Variants in KCNQ3 observed in about 807,000 individuals in gnomAD.
KCNQ3 encodes potassium voltage-gated channel subfamily KQT member 3.
A neutral mutation model predicts 92.5 loss-of-function variants in KCNQ3; 30 were observed. The observed-to-expected ratio is 0.32, with a 90% CI of 0.24 to 0.44. The LOEUF is 0.44. KCNQ3 is among the 20% of genes least tolerant of loss of function. The pLI, the probability that KCNQ3 is intolerant of heterozygous loss-of-function variation, is 1.00. For synonymous variants in KCNQ3, 450 were observed against 468.8 expected (o/e 0.96, Z 0.52); for missense variants, 913 against 1,140.3 (o/e 0.80, Z 2.87).
At position 132,140,124 on chromosome 8, in the gene KCNQ3, G is replaced by A. The variant is rs370333805; in HGVS notation, c.1520C>T (p.Pro507Leu). 1.2e-6 allele frequency: 2 copies of A among 1,612,380 alleles called. No individual in the cohort carries two copies. Among genetic ancestry groups the A allele is most frequent in the African/African-American group, 2.7e-5 (2 of 74,986 alleles). The change falls in exon 11 of 15, where the codon CCC (proline) becomes CTC (leucine). Residue 507 changes from proline to leucine, a missense_variant. By Grantham distance (98) the Pro-to-Leu change is moderately conservative (BLOSUM62 -3). Transcript: ENST00000388996. ...AEDRGYGNDFPIEDMIPTLKA... is the reference protein window; with the variant it reads ...AEDRGYGNDFLIEDMIPTLKA... The stretch of plus-strand genomic sequence containing the variant: ...CAGGGTGGGGATCATGTCTTCGATG[G>A]GGAAGTCATTCCCATAGCCCCTGTC...
intron 4 of KCNQ3, among the ~76,000 whole-genome samples, chr8:132,176,865 A>G (rs1227457878): frequency 6.6e-6 from 1 of 152,230 alleles, no homozygotes; most frequent in Non-Finnish European, 1.5e-5. Context: ...ATTTGCTATT[A>G]TGCTCTGGCC....
intron 1 of KCNQ3, among the ~76,000 whole-genome samples, chr8:132,239,819 A>T (rs953666448): frequency 6.6e-6 from 1 of 152,226 alleles, no homozygotes; most frequent in Non-Finnish European, 1.5e-5. Flanking sequence ...CAGCTCTCTG[A>T]GACCCAGTTT....
chr8:132,188,563 G>A (rs925789785), intron 1 of KCNQ3, among the ~76,000 whole-genome samples: 1 of 152,214 alleles, frequency 6.6e-6, no homozygotes, highest in African/African-American at 2.4e-5. Flanking sequence ...CCATTATTCA[G>A]TGATGTAATC....
intron 1 of KCNQ3, among the ~76,000 whole-genome samples, chr8:132,288,349 C>T (rs1037903764): frequency 9.2e-5 from 14 of 152,218 alleles, no homozygotes; most frequent in African/African-American, 3.1e-4. Context: ...GTACAGGACA[C>T]TATGAGGCAT....
intron 10 of KCNQ3, 113 bp from the exon 11 acceptor site, chr8:132,140,291 T>C: frequency 1.4e-6 from 1 of 703,638 alleles, no homozygotes. Flanking sequence ...CCCCAGAGTC[T>C]TTATTTCCAC....
chr8:132,303,666 G>GTATATATATATA lies in KCNQ3; in HGVS notation c.387-117497_387-117486dup, dbSNP rs1554642834. On this transcript the variant is annotated intron_variant, in intron 1 of 14. Coordinates refer to ENST00000388996, the MANE Select transcript of KCNQ3 (RefSeq NM_004519.4). ...ATATATATATATTTATGGTGTGTGT[G>GTATATATATATA]TATATATATATACACACACACAGCC... is the stretch of plus-strand genomic sequence containing the variant. Among the ~76,000 whole-genome samples, 10 of 9,612 alleles carry GTATATATATATA rather than the reference G, an allele frequency of 1.0e-3. 1 individual carries two copies. In the African/African-American group the frequency reaches 0.018, roughly 18 times the overall value. The allele number at this position is 9,612 out of a possible 152,430, so 6.3% of individuals were successfully genotyped here. A position where few individuals can be genotyped will look rare whatever the true frequency, so the allele number is the denominator to read the frequency against.
chr8:132,315,817 T>C (rs993813577), intron 1 of KCNQ3, among the ~76,000 whole-genome samples: 8 of 152,202 alleles, frequency 5.3e-5, no homozygotes, highest in African/African-American at 1.7e-4. Flanking sequence ...CTATGTATTA[T>C]TAAACTTCAT....
chr8:132,234,423 G>A (rs1021082981), intron 1 of KCNQ3, among the ~76,000 whole-genome samples: 3 of 144,662 alleles, frequency 2.1e-5, no homozygotes, highest in Non-Finnish European at 3.0e-5. Flanking sequence ...TGGGAAATTG[G>A]CTCAGGGAAA....
intron 8 of KCNQ3, among the ~76,000 whole-genome samples, chr8:132,164,009 A>G (rs1472743795): frequency 6.6e-6 from 1 of 152,176 alleles, no homozygotes; most frequent in African/African-American, 2.4e-5. Context: ...GAATTGCTCA[A>G]GGGCTCACAG....
intron 1 of KCNQ3, among the ~76,000 whole-genome samples, chr8:132,218,106 T>A (rs1814099925): frequency 6.6e-6 from 1 of 152,186 alleles, no homozygotes; most frequent in Admixed American, 6.5e-5. Context: ...GTGAATTCTA[T>A]ACAAATGACC....
At chr8:132,322,382 C>G (rs970141156) in intron 1 of KCNQ3, among the ~76,000 whole-genome samples, 1 of 152,082 alleles carries the variant, frequency 6.6e-6, no homozygotes, top group African/African-American at 2.4e-5. Context: ...ACAGGAACAG[C>G]AGGTGAGGCA....
At chr8:132,465,266 A>G (rs1359899703) in intron 1 of KCNQ3, among the ~76,000 whole-genome samples, 1 of 152,216 alleles carries the variant, frequency 6.6e-6, no homozygotes, top group Non-Finnish European at 1.5e-5. Context: ...TCACATTATA[A>G]ATTAGTTAAG....
intron 1 of KCNQ3, among the ~76,000 whole-genome samples, chr8:132,207,922 A>T (rs970446315): frequency 7.1e-5 from 8 of 113,432 alleles, no homozygotes; most frequent in Admixed American, 1.9e-4. Flanking sequence ...GAGAGAGATT[A>T]AAAAAAAAAA....
In KCNQ3 at chr8:132,222,800, T is replaced by C. The variant is rs143775794; in HGVS notation, c.387-36619A>G. Among the ~76,000 whole-genome samples the C allele has an allele frequency of 1.3e-3, 197 of 152,340 alleles. 1 individual carries two copies. Among genetic ancestry groups the C allele is most frequent in the African/African-American group, 4.5e-3 (189 of 41,584 alleles). ...CGTGGGTGGGATGCAAGGGCACATT[T>C]AGTAGTGCTTACATAGTTATGTGCT... On this transcript the variant is annotated intron_variant, in intron 1 of 14. Coordinates refer to ENST00000388996, the MANE Select transcript of KCNQ3 (RefSeq NM_004519.4).
intron 11 of KCNQ3, among the ~76,000 whole-genome samples, chr8:132,138,516 T>TAATTA (rs1825179403): frequency 1.3e-5 from 2 of 152,180 alleles, no homozygotes; most frequent in African/African-American, 4.8e-5. Context: ...AGAGCCTCTT[T>TAATTA]AATTATTTTA....
intron 1 of KCNQ3, among the ~76,000 whole-genome samples, chr8:132,201,807 G>T (rs1827468665): frequency 1.3e-5 from 2 of 152,094 alleles, no homozygotes; most frequent in African/African-American, 4.8e-5. Context: ...GGTCTCAGGG[G>T]CTGCCTACTC....
chr8:132,173,867 G>A (rs1050709414), intron 6 of KCNQ3, among the ~76,000 whole-genome samples: 5 of 152,226 alleles, frequency 3.3e-5, no homozygotes, highest in Admixed American at 1.3e-4. Flanking sequence ...CACTGGGAAT[G>A]CATGAATGAA....
chr8:132,149,717 C>T (rs1273851389), intron 9 of KCNQ3, among the ~76,000 whole-genome samples: 1 of 152,180 alleles, frequency 6.6e-6, no homozygotes, highest in Non-Finnish European at 1.5e-5. Flanking sequence ...CAGGCAGCTG[C>T]CTGTCCCTGC....
At chr8:132,389,315 G>A (rs1475802555) in intron 1 of KCNQ3, among the ~76,000 whole-genome samples, 2 of 152,126 alleles carry the variant, frequency 1.3e-5, no homozygotes, top group East Asian at 3.9e-4. Context: ...AAATTAGCTG[G>A]GCGTGGTGGC....
Sources: allele counts gnomAD v4.1 joint callset (sites outside exome capture counted in the v4.1 genomes callset), GRCh38; gene constraint gnomAD v4.1.1; transcripts MANE v1.5; gene names NCBI Gene and HGNC (gene_info 2026-07-23, HGNC 2026-07-21).